ST8SIA1: variants seen among roughly 807,000 people sequenced by gnomAD.
ST8SIA1 encodes ST8 alpha-N-acetyl-neuraminide alpha-2,8-sialyltransferase 1.
In ST8SIA1, 16 loss-of-function variants were observed where a neutral mutation model predicts 35.9. The observed-to-expected ratio is 0.45, with a 90% CI of 0.30 to 0.68. ST8SIA1 has a LOEUF of 0.68. Ranked by LOEUF, ST8SIA1 falls within the 30% of genes least tolerant of loss-of-function variation. ST8SIA1 has a pLI of 0.09. For synonymous variants in ST8SIA1, 170 were observed against 169.6 expected (o/e 1.00, Z -0.02); for missense variants, 383 against 453.6 (o/e 0.84, Z 1.41).
At chr12:22,259,776 T>C (rs1398863922) in intron 2 of ST8SIA1, among the ~76,000 whole-genome samples, 6 of 152,186 alleles carry the variant, frequency 3.9e-5, no homozygotes, top group East Asian at 1.9e-4. Flanking sequence ...AAAAATACTA[T>C]GGATTTTTTA....
At chr12:22,315,769 TA>T (rs34854158) in intron 1 of ST8SIA1, among the ~76,000 whole-genome samples, 49,433 of 129,066 alleles carry the variant, frequency 0.38, 9,043 homozygotes, top group Middle Eastern at 0.59. Flanking sequence ...CCCCTTAATG[TA>T]AAAAAAAAAA....
intron 4 of ST8SIA1, among the ~76,000 whole-genome samples, chr12:22,237,631 C>T (rs1865490411): frequency 6.6e-6 from 1 of 151,306 alleles, no homozygotes; most frequent in African/African-American, 2.4e-5. Context: ...GTATAGTATA[C>T]CATCAATATG....
chr12:22,211,931 G>A (rs1333505077), intron 4 of ST8SIA1, among the ~76,000 whole-genome samples: 3 of 151,980 alleles, frequency 2.0e-5, no homozygotes, highest in African/African-American at 4.8e-5. Flanking sequence ...GGCTGATCTC[G>A]AACTCCTGAC....
intron 2 of ST8SIA1, among the ~76,000 whole-genome samples, chr12:22,280,956 C>T (rs1339227466): frequency 1.3e-5 from 2 of 152,198 alleles, no homozygotes; most frequent in African/African-American, 2.4e-5. Flanking sequence ...TATAATGAAA[C>T]AAAGACTGTA....
intron 4 of ST8SIA1, among the ~76,000 whole-genome samples, chr12:22,229,608 C>T (rs1273458866): frequency 5.6e-5 from 6 of 107,734 alleles, no homozygotes; most frequent in Admixed American, 2.2e-4. Context: ...AGAGCAAGAC[C>T]GGGTTTCAAA....
intron 2 of ST8SIA1, among the ~76,000 whole-genome samples, chr12:22,259,474 C>CTT (rs11367158): frequency 6.8e-6 from 1 of 147,194 alleles, no homozygotes; most frequent in African/African-American, 2.5e-5. Context: ...ATTTTTTTTT[C>CTT]TTTTTTTTTT....
chr12:22,251,068 G>A (rs983735867), intron 3 of ST8SIA1, among the ~76,000 whole-genome samples: 2 of 152,202 alleles, frequency 1.3e-5, no homozygotes, highest in African/African-American at 4.8e-5. Context: ...GTAACTGATT[G>A]TGGTCTTGTG....
intron 2 of ST8SIA1, among the ~76,000 whole-genome samples, chr12:22,269,082 G>T (rs1231462604): frequency 6.6e-6 from 1 of 152,102 alleles, no homozygotes; most frequent in Non-Finnish European, 1.5e-5. Context: ...GCAGGGCCCT[G>T]GCAGACTTAA....
chr12:22,229,375 G>T (rs1324384173), intron 4 of ST8SIA1, among the ~76,000 whole-genome samples: 1 of 152,060 alleles, frequency 6.6e-6, no homozygotes, highest in African/African-American at 2.4e-5. Context: ...CCAAAACTTT[G>T]GGAGGCTGAG....
intron 4 of ST8SIA1, among the ~76,000 whole-genome samples, chr12:22,219,478 A>T (rs998706351): frequency 6.6e-6 from 1 of 152,102 alleles, no homozygotes; most frequent in African/African-American, 2.4e-5. Flanking sequence ...AGGCGAGGGC[A>T]CTTGAAACCA....
At chr12:22,210,849 C>A (rs1865168592) in intron 4 of ST8SIA1, among the ~76,000 whole-genome samples, 1 of 152,204 alleles carries the variant, frequency 6.6e-6, no homozygotes, top group South Asian at 2.1e-4. Flanking sequence ...AAGACCATAA[C>A]CTACTCTTGT....
At chr12:22,295,437 A>C (rs1305922271) in intron 1 of ST8SIA1, among the ~76,000 whole-genome samples, 1 of 152,180 alleles carries the variant, frequency 6.6e-6, no homozygotes, top group Non-Finnish European at 1.5e-5. Context: ...AAGACATGGC[A>C]AAACCTACAT....
chr12:22,233,929 T>C (rs930386135), intron 4 of ST8SIA1, among the ~76,000 whole-genome samples: 9 of 152,048 alleles, frequency 5.9e-5, no homozygotes, highest in Admixed American at 3.3e-4. Flanking sequence ...AATTGGCAGA[T>C]TTTTTTGTTT....
chr12:22,301,833 G>A (rs887611717), intron 1 of ST8SIA1, among the ~76,000 whole-genome samples: 6 of 152,074 alleles, frequency 3.9e-5, no homozygotes, highest in Non-Finnish European at 5.9e-5. Context: ...TAATACCTTG[G>A]AACCTCAAGA....
At chr12:22,271,924 A>G (rs1249779215) in intron 2 of ST8SIA1, among the ~76,000 whole-genome samples, 2 of 152,222 alleles carry the variant, frequency 1.3e-5, no homozygotes, top group African/African-American at 4.8e-5. Context: ...TTTTAAAGAC[A>G]TGACATAATC....
chr12:22,309,626 C>T (rs550222405), intron 1 of ST8SIA1, among the ~76,000 whole-genome samples: 1 of 152,036 alleles, frequency 6.6e-6, no homozygotes, highest in African/African-American at 2.4e-5. Flanking sequence ...TCCCTTTGCC[C>T]CTCTCTCAAA....
chr12:22,289,608 T>C (rs193301805), intron 1 of ST8SIA1, among the ~76,000 whole-genome samples: 78 of 152,332 alleles, frequency 5.1e-4, no homozygotes, highest in African/African-American at 1.9e-3. Flanking sequence ...AAGTAATTTA[T>C]CTCAGGTCAC....
intron 3 of ST8SIA1, among the ~76,000 whole-genome samples, chr12:22,249,355 A>G (rs537475963): frequency 1.3e-4 from 20 of 151,600 alleles, no homozygotes; most frequent in African/African-American, 4.6e-4. Flanking sequence ...AGTAGCTGGG[A>G]CTACAGGCAC....
intron 2 of ST8SIA1, among the ~76,000 whole-genome samples, chr12:22,276,446 C>T (rs924118127): frequency 6.6e-6 from 1 of 152,184 alleles, no homozygotes; most frequent in African/African-American, 2.4e-5. Flanking sequence ...CCCCCAAACA[C>T]GCAAGCTCTC....
Sources: gnomAD v4.1 joint callset for allele counts (sites outside exome capture counted in the v4.1 genomes callset) on GRCh38, gnomAD v4.1.1 for gene constraint, MANE v1.5 for transcripts, NCBI Gene and HGNC (gene_info 2026-07-23, HGNC 2026-07-21) for gene names.